DCX: variants seen among roughly 807,000 people sequenced by gnomAD.
DCX encodes the protein doublecortin, also known as neuronal migration protein doublecortin.
Under a neutral mutation model 20.9 loss-of-function variants are expected in DCX, and 4 were observed. The ratio of observed to expected loss-of-function variants is 0.19; its 90% confidence interval spans 0.09 to 0.44. The LOEUF (loss-of-function observed/expected upper bound fraction) is 0.44, where lower values mean the gene tolerates loss of function less well. DCX is among the 20% of genes least tolerant of loss of function. The pLI, the probability that DCX is intolerant of heterozygous loss-of-function variation, is 0.99. For missense variants in DCX, 133 were observed against 296.9 expected, an observed-to-expected ratio of 0.45 and a Z score of 4.06; for synonymous variants, 103 against 111.4, an observed-to-expected ratio of 0.92 and a Z score of 0.47.
intron 2 of DCX, among the ~76,000 whole-genome samples, chrX:111,407,802 G>GCACA (rs34206475): frequency 0.095 from 8,524 of 90,049 alleles, 331 homozygotes; most frequent in African/African-American, 0.14. Context: ...ACATCAATAC[G>GCACA]CACACACACA....
chrX:111,407,799 T>TATGC (rs1220842247), intron 2 of DCX, among the ~76,000 whole-genome samples: 1 of 53,809 alleles, frequency 1.9e-5, no homozygotes, highest in Non-Finnish European at 3.6e-5. Context: ...GATACATCAA[T>TATGC]ACGCACACAC....
intron 3 of DCX, among the ~76,000 whole-genome samples, chrX:111,396,222 G>A (rs1307637241): frequency 8.9e-6 from 1 of 111,951 alleles, no homozygotes; most frequent in Non-Finnish European, 1.9e-5. Context: ...TCTTGGAATC[G>A]GCTTAAACCT....
intron 3 of DCX, among the ~76,000 whole-genome samples, chrX:111,346,949 A>G (rs960839895): frequency 9.0e-6 from 1 of 111,710 alleles, no homozygotes; most frequent in African/African-American, 3.3e-5. Flanking sequence ...CAGTAACAGA[A>G]GTCAAAGTTC....
chrX:111,342,075 C>T (rs771015770), intron 3 of DCX, among the ~76,000 whole-genome samples: 1 of 106,332 alleles, frequency 9.4e-6, no homozygotes, highest in South Asian at 4.3e-4. Context: ...AAACAACAGA[C>T]TGGAAAATTG....
intron 5 of DCX, among the ~76,000 whole-genome samples, chrX:111,318,479 A>G (rs1462903620): frequency 1.8e-5 from 2 of 110,499 alleles, no homozygotes; most frequent in African/African-American, 6.6e-5. Flanking sequence ...TCATTCTACC[A>G]TAACAACACA....
chrX:111,366,067 G>A (rs1176768317), intron 3 of DCX, among the ~76,000 whole-genome samples: 1 of 112,291 alleles, frequency 8.9e-6, no homozygotes, highest in Non-Finnish European at 1.9e-5. Context: ...AGAACCATTG[G>A]TTGAATACAT....
rs1356246342 is a variant in DCX, at chrX:111,395,326, C to T, written c.705+5664G>A. 2.7e-5 allele frequency among the ~76,000 whole-genome samples: 3 copies of T among 112,151 alleles called. No individual in the cohort carries two copies. The South Asian group carries it at 1.1e-3, about 41-fold the overall frequency. On this transcript the variant is annotated intron_variant, in intron 3 of 6. Transcript: ENST00000636035. ...CTCTTTCCACTTGCTGAATGCTAGA[C>T]AGTGACAGACTAGTCAGCACAAGAG...
Position 111,298,194 on chromosome X carries a change from G to GA in DCX, c.*3492dup, listed in dbSNP as rs1255569629. On this transcript the variant is annotated 3_prime_UTR_variant, in exon 7 of 7. Coordinates refer to ENST00000636035, the MANE Select transcript of DCX (RefSeq NM_001195553.2). The stretch of plus-strand genomic sequence containing the variant: ...AGATGACACAAGGTGAACTGATGGA[G>GA]AAAATCAATCTTCCTCCATTCCATT... 8.9e-6 allele frequency: 1 copy of GA among 111,836 alleles called. No homozygotes were observed. Among genetic ancestry groups the GA allele is most frequent in the Non-Finnish European group, 1.9e-5 (1 of 53,174 alleles). The allele number at this position is 111,836 out of a possible 1,213,427, so 9.2% of individuals were successfully genotyped here. A position where few individuals can be genotyped will look rare whatever the true frequency, so the allele number is the denominator to read the frequency against.
chrX:111,377,097 C>A (rs946388272), intron 3 of DCX, among the ~76,000 whole-genome samples: 4 of 111,435 alleles, frequency 3.6e-5, no homozygotes, highest in African/African-American at 1.3e-4. Context: ...ACACCTGACC[C>A]CTCCTCCTCC....
At chrX:111,366,983 C>T (rs780063609) in intron 3 of DCX, among the ~76,000 whole-genome samples, 113 of 111,558 alleles carry the variant, frequency 1.0e-3, no homozygotes, top group African/African-American at 3.6e-3. Context: ...GGCTCCAAGA[C>T]CCCAATTCAA....
At chrX:111,409,989 A>G in intron 2 of DCX, 46 bp downstream of exon 2, 2 of 1,209,357 alleles carry the variant, frequency 1.7e-6, no homozygotes, top group Non-Finnish European at 2.2e-6. Flanking sequence ...ACCATAACCA[A>G]TGATGCCACC....
intron 3 of DCX, among the ~76,000 whole-genome samples, chrX:111,340,075 C>A (rs1922084480): frequency 8.9e-6 from 1 of 112,819 alleles, no homozygotes; most frequent in African/African-American, 3.2e-5. Flanking sequence ...CTGTTTAAAA[C>A]CCTTGAAAGT....
chrX:111,357,941 C>T (rs921312898), intron 3 of DCX, among the ~76,000 whole-genome samples: 3 of 111,107 alleles, frequency 2.7e-5, no homozygotes, highest in African/African-American at 9.8e-5. Context: ...GATTCTTCTG[C>T]CTCAGCCTCC....
At chrX:111,377,495 G>A (rs1925630890) in intron 3 of DCX, among the ~76,000 whole-genome samples, 1 of 110,899 alleles carries the variant, frequency 9.0e-6, no homozygotes. Context: ...GTCTAACGCC[G>A]CATTTGAGTG....
chrX:111,355,083 A>T (rs1923622181), intron 3 of DCX, among the ~76,000 whole-genome samples: 1 of 112,674 alleles, frequency 8.9e-6, no homozygotes, highest in Non-Finnish European at 1.9e-5. Context: ...TAACCTACAC[A>T]TAGTTGAAAG....
intron 5 of DCX, among the ~76,000 whole-genome samples, chrX:111,314,671 A>G (rs972181843): frequency 5.4e-5 from 6 of 111,828 alleles, no homozygotes; most frequent in Admixed American, 9.5e-5. Context: ...ACTGAGTTGC[A>G]TATGTTAAAT....
At chrX:111,327,434 T>C (rs765006915) in intron 5 of DCX, among the ~76,000 whole-genome samples, 5 of 112,400 alleles carry the variant, frequency 4.4e-5, no homozygotes, top group Non-Finnish European at 9.4e-5. Context: ...CAAATGTCTG[T>C]AAGGAGAAAT....
chrX:111,311,355 A>G (rs1188817223), intron 6 of DCX, among the ~76,000 whole-genome samples: 2 of 112,350 alleles, frequency 1.8e-5, no homozygotes, highest in Non-Finnish European at 3.8e-5. Flanking sequence ...GGCAGTAGCC[A>G]GATTAGCCAG....
intron 5 of DCX, among the ~76,000 whole-genome samples, chrX:111,315,392 C>A (rs1415015358): frequency 7.0e-5 from 3 of 43,050 alleles, no homozygotes; most frequent in African/African-American, 3.0e-4. Context: ...TCATCTCACA[C>A]CAGTTAGAAT....
Sources: allele counts gnomAD v4.1 joint callset (sites outside exome capture counted in the v4.1 genomes callset), GRCh38; gene constraint gnomAD v4.1.1; transcripts MANE v1.5; gene names NCBI Gene and HGNC (gene_info 2026-07-23, HGNC 2026-07-21).